The following ACP3 variants were observed in gnomAD, a reference collection of about 807,000 sequenced individuals.
ACP3 encodes the protein acid phosphatase 3.
A neutral mutation model predicts 45.6 loss-of-function variants in ACP3; 38 were observed. The ratio of observed to expected loss-of-function variants is 0.83; its 90% confidence interval spans 0.64 to 1.09. The LOEUF (loss-of-function observed/expected upper bound fraction) is 1.09, where lower values mean the gene tolerates loss of function less well. ACP3 is among the 50% of genes least tolerant of loss of function. The pLI is 0.00. For missense variants in ACP3, 466 were observed against 463.2 expected, an observed-to-expected ratio of 1.01 and a Z score of -0.05; for synonymous variants, 162 against 164.7, an observed-to-expected ratio of 0.98 and a Z score of 0.13.
At chr3:132,321,682 A>T (rs1222120733) in intron 1 of ACP3, among the ~76,000 whole-genome samples, 4 of 152,214 alleles carry the variant, frequency 2.6e-5, no homozygotes, top group Non-Finnish European at 5.9e-5. Flanking sequence ...ATGCAAAGGA[A>T]TAATTAATTA....
exon 11 of ACP3, chr3:132,367,846 C>G (rs769828533): frequency 2.6e-6 from 4 of 1,518,356 alleles, no homozygotes; most frequent in South Asian, 2.2e-5. Flanking sequence ...TAAGCCAGGC[C>G]AACCTCCTGT....
chr3:132,328,157 G>C, intron 1 of ACP3, 110 bp from the exon 2 acceptor site: 1 of 736,812 alleles, frequency 1.4e-6, no homozygotes, highest in Non-Finnish European at 2.2e-6. Context: ...GATTACAATG[G>C]GAAGCCAAAG....
chr3:132,324,436 G>C (rs1436035598), intron 1 of ACP3, among the ~76,000 whole-genome samples: 1 of 151,988 alleles, frequency 6.6e-6, no homozygotes, highest in Non-Finnish European at 1.5e-5. Context: ...GTAGTATGAT[G>C]GGGAAACAGT....
Position 132,357,043 on chromosome 3 carries a change from C to T in ACP3, c.*165C>T. On this transcript the variant is annotated 3_prime_UTR_variant, in exon 10 of 10. Coordinates refer to ENST00000336375, the MANE Select transcript of ACP3 (RefSeq NM_001099.5). The stretch of plus-strand genomic sequence containing the variant: ...CCTCAGGCAATTCCTACCTCTTCAC[C>T]TGACCCTGCCCCCACTTGCCATAAA... 7.3e-7 allele frequency: 1 copy of T among 1,376,324 alleles called. No individual in the cohort carries two copies. Among genetic ancestry groups the T allele is most frequent in the Non-Finnish European group, 9.4e-7 (1 of 1,067,856 alleles). The allele number at this position is 1,376,324 out of a possible 1,614,324, so 85.3% of individuals were successfully genotyped here.
rs1458376097 is a variant in ACP3, at chr3:132,357,603, C to T, written c.*725C>T. ...GATTTGATGTATGTAATACATATAG[C>T]AGCTCTTGAAGTATATATATCATAG... is the stretch of plus-strand genomic sequence containing the variant. On this transcript the variant is annotated 3_prime_UTR_variant, in exon 10 of 10. Coordinates refer to ENST00000336375, the MANE Select transcript of ACP3 (RefSeq NM_001099.5). 1.0e-6 allele frequency: 1 copy of T among 983,602 alleles called. No homozygotes were observed. Among genetic ancestry groups the T allele is most frequent in the African/African-American group, 1.7e-5 (1 of 57,184 alleles). The allele number at this position is 983,602 out of a possible 1,614,324, so 60.9% of individuals were successfully genotyped here.
Position 132,356,702 on chromosome 3 carries a change from A to G in ACP3, c.985A>G (p.Met329Val), listed in dbSNP as rs777187800. ...YFEKGEYFVEMYYRNETQHEP... is the reference protein window; with the variant it reads ...YFEKGEYFVEVYYRNETQHEP... ...GTCTGCCAGGGAGTACTTTGTGGAG[A>G]TGTACTATCGGAATGAGACGCAGCA... Residue 329 changes from methionine to valine, a missense_variant, in exon 10 of 10, where the codon ATG (methionine) becomes GTG (valine). Met to Val is a conservative substitution (Grantham distance 21). Transcript: ENST00000336375. 6.2e-7 allele frequency: 1 copy of G among 1,614,038 alleles called. No individual in the cohort carries two copies. Among genetic ancestry groups the G allele is most frequent in the Non-Finnish European group, 8.5e-7 (1 of 1,180,030 alleles).
chr3:132,362,820 T>A (rs1218241100), downstream of ACP3, among the ~76,000 whole-genome samples: 2 of 152,124 alleles, frequency 1.3e-5, no homozygotes, highest in Non-Finnish European at 2.9e-5. Flanking sequence ...AAAAGTCTAG[T>A]GAATGTGTGG....
chr3:132,322,446 G>C (rs948831388), intron 1 of ACP3, among the ~76,000 whole-genome samples: 1 of 151,772 alleles, frequency 6.6e-6, no homozygotes, highest in Non-Finnish European at 1.5e-5. Flanking sequence ...TATTTCTTAG[G>C]TCCTAAAAGA....
In ACP3 at chr3:132,365,204, C is replaced by A. The variant is rs183504531; in HGVS notation, c.1139-2500C>A. Among the ~76,000 whole-genome samples, 4 of 152,336 alleles carry A rather than the reference C, an allele frequency of 2.6e-5. No homozygotes were observed. In the East Asian group the frequency reaches 7.7e-4, roughly 29 times the overall value. ...GAACAAAAAAGACAAAAGTTCCTGCCTTTGCAAAGCTTGTGTTCTACTAGA... is the reference window on the plus strand; with the variant it reads ...GAACAAAAAAGACAAAAGTTCCTGCATTTGCAAAGCTTGTGTTCTACTAGA... On this transcript the variant is annotated intron_variant, in intron 10 of 10. Coordinates refer to the ACP3 transcript ENST00000351273.
intron 9 of ACP3, 112 bp from the exon 10 acceptor site, chr3:132,356,574 G>A (rs1288769949): frequency 3.2e-6 from 5 of 1,572,332 alleles, no homozygotes; most frequent in South Asian, 1.2e-5. Context: ...CTCCCCATAA[G>A]TTTTTCCATT....
intron 9 of ACP3, among the ~76,000 whole-genome samples, chr3:132,353,100 G>A (rs1310666691): frequency 6.6e-6 from 1 of 152,070 alleles, no homozygotes; most frequent in Non-Finnish European, 1.5e-5. Flanking sequence ...CTAAGAAGTA[G>A]GCATGTATTG....
At chr3:132,317,621 C>T (rs767384567) in intron 1 of ACP3, 45 bp downstream of exon 1, 9 of 1,580,744 alleles carry the variant, frequency 5.7e-6, no homozygotes, top group Middle Eastern at 1.7e-4. Flanking sequence ...ACTGTGTTCC[C>T]AGCAAAGTCT....
chr3:132,337,528 T>C lies in ACP3; in HGVS notation c.529T>C (p.Phe177Leu). ...GAGTGAGACTTTGAAATCAGAGGAA[T>C]TCCAGAAGAGGCTGCACCCTTATAA... ...LESETLKSEEFQKRLHPYKDF... is the reference protein window; with the variant it reads ...LESETLKSEELQKRLHPYKDF... The change falls in exon 5 of 10, where the codon TTC becomes CTC. Residue 177 changes from phenylalanine to leucine, a missense_variant. Phe to Leu is a conservative substitution (Grantham distance 22). Coordinates refer to ENST00000336375, the MANE Select transcript of ACP3 (RefSeq NM_001099.5). The C allele has an allele frequency of 6.2e-7, 1 of 1,610,872 alleles. No individual in the cohort carries two copies. The highest frequency in any genetic ancestry group is 8.5e-7 in the Non-Finnish European group (1 of 1,177,402).
intron 6 of ACP3, among the ~76,000 whole-genome samples, chr3:132,344,582 A>G (rs1266258233): frequency 2.0e-5 from 3 of 152,194 alleles, no homozygotes; most frequent in Admixed American, 1.3e-4. Flanking sequence ...TTAAGGAAAT[A>G]TCATTTAACT....
At chr3:132,339,323 T>C (rs1937526010) in intron 5 of ACP3, among the ~76,000 whole-genome samples, 3 of 152,170 alleles carry the variant, frequency 2.0e-5, no homozygotes, top group African/African-American at 7.2e-5. Flanking sequence ...TGTGACCAAA[T>C]ATGGGGGATC....
intron 9 of ACP3, 114 bp downstream of exon 9, chr3:132,352,937 A>G: frequency 1.4e-6 from 1 of 717,346 alleles, no homozygotes; most frequent in East Asian, 2.7e-5. Context: ...TTATATTCAG[A>G]GGGAAGAATG....
downstream of ACP3, among the ~76,000 whole-genome samples, chr3:132,361,084 A>C (rs1938032487): frequency 6.6e-6 from 1 of 152,170 alleles, no homozygotes; most frequent in Admixed American, 6.5e-5. Flanking sequence ...ACACATTTCT[A>C]TGTGCCAACA....
At chr3:132,361,982 C>T (rs1938048588), downstream of ACP3, among the ~76,000 whole-genome samples, 1 of 152,192 alleles carries the variant, frequency 6.6e-6, no homozygotes, top group South Asian at 2.1e-4. Context: ...CATCAAAACA[C>T]CATCAAGTGC....
chr3:132,321,988 G>T (rs546820457), intron 1 of ACP3, among the ~76,000 whole-genome samples: 1 of 152,244 alleles, frequency 6.6e-6, no homozygotes, highest in South Asian at 2.1e-4. Flanking sequence ...TAATTTTCAT[G>T]ATGCTCCTGG....
Sources: allele counts gnomAD v4.1 joint callset (sites outside exome capture counted in the v4.1 genomes callset), GRCh38; gene constraint gnomAD v4.1.1; transcripts MANE v1.5; gene names NCBI Gene and HGNC (gene_info 2026-07-23, HGNC 2026-07-21).